MAF: variants seen among roughly 807,000 people sequenced by gnomAD.
MAF encodes MAF bZIP transcription factor.
In MAF, 10 loss-of-function variants were observed where a neutral mutation model predicts 22.0. The observed-to-expected ratio is 0.45, with a 90% CI of 0.28 to 0.77. The LOEUF (loss-of-function observed/expected upper bound fraction) is 0.77, where lower values mean the gene tolerates loss of function less well. Among genes scored for constraint, MAF ranks in the 30% least tolerant of loss-of-function variants. MAF has a pLI of 0.12. For synonymous variants in MAF, 337 were observed against 255.8 expected, an observed-to-expected ratio of 1.32 and a Z score of -3.03; for missense variants, 544 against 548.4, an observed-to-expected ratio of 0.99 and a Z score of 0.08.
the MAF span, among the ~76,000 whole-genome samples, chr16:79,376,858 A>AT: frequency 6.6e-6 from 1 of 152,126 alleles, no homozygotes; most frequent in South Asian, 2.1e-4. Flanking sequence ...TGAACTCATC[A>AT]TTTTTTATGG....
At chr16:79,274,610 C>T in the MAF span, among the ~76,000 whole-genome samples, 23,270 of 152,126 alleles carry the variant, frequency 0.15, 1,937 homozygotes, top group Middle Eastern at 0.25. Context: ...AGTTAGTGCA[C>T]TCCATAGTCC....
At chr16:79,402,632 G>C in the MAF span, among the ~76,000 whole-genome samples, 7 of 152,364 alleles carry the variant, frequency 4.6e-5, no homozygotes, top group Admixed American at 6.5e-5. Context: ...CAGCTCCAGG[G>C]GAAAGGTTGG....
At chr16:79,582,512 C>T (rs567699856), downstream of MAF, among the ~76,000 whole-genome samples, 1 of 152,242 alleles carries the variant, frequency 6.6e-6, no homozygotes, top group Non-Finnish European at 1.5e-5. Flanking sequence ...AGGCTAGTTA[C>T]GCTGCACATG....
chr16:79,521,913 C>A, the MAF span, among the ~76,000 whole-genome samples: 5,361 of 152,210 alleles, frequency 0.035, 344 homozygotes, highest in African/African-American at 0.12. Flanking sequence ...CAATGCTGGG[C>A]TCTGGGGAAA....
the MAF span, among the ~76,000 whole-genome samples, chr16:79,490,503 A>T: frequency 2.6e-5 from 4 of 152,154 alleles, no homozygotes; most frequent in Non-Finnish European, 5.9e-5. Context: ...ATACAATGCA[A>T]CTCACTGCAG....
At chr16:79,260,688 C>G in the MAF span, among the ~76,000 whole-genome samples, 1 of 152,154 alleles carries the variant, frequency 6.6e-6, no homozygotes, top group Admixed American at 6.5e-5. Context: ...ACAGGCGAAG[C>G]ATCGGTGCCT....
At chr16:79,204,898 T>G in the MAF span, 29,438 of 152,260 alleles carry the variant, frequency 0.19, 4,073 homozygotes, top group East Asian at 0.54. Flanking sequence ...AGCCACATTC[T>G]TGCTGGCTTT....
chr16:79,416,952 A>G, the MAF span, among the ~76,000 whole-genome samples: 1 of 152,322 alleles, frequency 6.6e-6, no homozygotes, highest in East Asian at 1.9e-4. Context: ...AATTATTCTT[A>G]TTTGCACACC....
At chr16:79,313,256 TAAC>T in the MAF span, among the ~76,000 whole-genome samples, 1 of 152,090 alleles carries the variant, frequency 6.6e-6, no homozygotes, top group Non-Finnish European at 1.5e-5. Context: ...CATTTTCACT[TAAC>T]AACATGATTA....
chr16:79,367,441 G>A, the MAF span, among the ~76,000 whole-genome samples: 1 of 152,296 alleles, frequency 6.6e-6, no homozygotes, highest in East Asian at 1.9e-4. Context: ...CTTGTCTGCA[G>A]TCAGAACAAA....
At chr16:79,335,479 G>A in the MAF span, among the ~76,000 whole-genome samples, 38 of 152,138 alleles carry the variant, frequency 2.5e-4, no homozygotes, top group Non-Finnish European at 4.9e-4. Flanking sequence ...GACCAGGGGG[G>A]ACAGGAAGGA....
chr16:79,555,438 CA>C, the MAF span, among the ~76,000 whole-genome samples: 1 of 152,290 alleles, frequency 6.6e-6, no homozygotes, highest in Non-Finnish European at 1.5e-5. Flanking sequence ...AAGTCTTTGA[CA>C]GGAAAAAAGC....
chr16:79,339,508 C>A, the MAF span, among the ~76,000 whole-genome samples: 97 of 152,328 alleles, frequency 6.4e-4, no homozygotes, highest in African/African-American at 2.3e-3. Flanking sequence ...AAGAGAGCCA[C>A]TCTAACCAGA....
At chr16:79,582,674 G>A (rs1296425310), downstream of MAF, among the ~76,000 whole-genome samples, 2 of 152,122 alleles carry the variant, frequency 1.3e-5, no homozygotes, top group African/African-American at 4.8e-5. Context: ...AACAATTTAG[G>A]GTAAATCCAA....
the MAF span, among the ~76,000 whole-genome samples, chr16:79,462,630 CAT>C: frequency 1.3e-5 from 2 of 152,190 alleles, no homozygotes; most frequent in East Asian, 3.9e-4. Context: ...TGTTCACACA[CAT>C]GTATACAAAC....
At chr16:79,557,813 C>A in the MAF span, among the ~76,000 whole-genome samples, 1 of 151,970 alleles carries the variant, frequency 6.6e-6, no homozygotes, top group Non-Finnish European at 1.5e-5. Context: ...AGATGAGAAA[C>A]ACAGATGCAT....
the MAF span, among the ~76,000 whole-genome samples, chr16:79,574,950 G>A: frequency 6.6e-6 from 1 of 151,898 alleles, no homozygotes; most frequent in East Asian, 1.9e-4. Flanking sequence ...CTGGGTTTCA[G>A]TAGATAACTG....
the MAF span, among the ~76,000 whole-genome samples, chr16:79,580,460 CAGA>C: frequency 6.6e-6 from 1 of 152,184 alleles, no homozygotes; most frequent in Non-Finnish European, 1.5e-5. Flanking sequence ...AGGCTGAAAG[CAGA>C]AGTTCTGGAA....
At chr16:79,378,040 A>G in the MAF span, among the ~76,000 whole-genome samples, 5 of 152,164 alleles carry the variant, frequency 3.3e-5, no homozygotes, top group Non-Finnish European at 7.3e-5. Flanking sequence ...TGAACTTTAA[A>G]GTAGGTTTTC....
Sources: allele counts gnomAD v4.1 joint callset (sites outside exome capture counted in the v4.1 genomes callset), GRCh38; gene constraint gnomAD v4.1.1; transcripts MANE v1.5; gene names NCBI Gene and HGNC (gene_info 2026-07-23, HGNC 2026-07-21).